The following NEGR1 variants were observed in gnomAD, a reference collection of about 807,000 sequenced individuals.
The protein encoded by NEGR1 is IgLON family member 4.
Under a neutral mutation model 40.9 loss-of-function variants are expected in NEGR1, and 10 were observed. That is an observed-to-expected ratio of 0.24 (90% CI 0.15 to 0.42). The LOEUF (loss-of-function observed/expected upper bound fraction) is 0.42, where lower values mean the gene tolerates loss of function less well. NEGR1 is among the 10% of genes least tolerant of loss of function. NEGR1 has a pLI of 1.00. For synonymous variants in NEGR1, 185 were observed against 166.8 expected (o/e 1.11, Z -0.84); for missense variants, 352 against 438.9 (o/e 0.80, Z 1.77).
At chr1:71,655,507 G>C (rs2101585951) in intron 4 of NEGR1, among the ~76,000 whole-genome samples, 1 of 152,280 alleles carries the variant, frequency 6.6e-6, no homozygotes, top group Middle Eastern at 3.4e-3. Flanking sequence ...TGCTCCTTTA[G>C]TACTGGGAAT....
chr1:71,466,281 A>G (rs1344831930), intron 6 of NEGR1, among the ~76,000 whole-genome samples: 1 of 152,082 alleles, frequency 6.6e-6, no homozygotes, highest in Non-Finnish European at 1.5e-5. Flanking sequence ...GGTATAATCA[A>G]TATCCAGGAC....
intron 1 of NEGR1, among the ~76,000 whole-genome samples, chr1:72,048,573 T>C (rs928890072): frequency 2.6e-5 from 4 of 151,508 alleles, no homozygotes; most frequent in African/African-American, 9.7e-5. Flanking sequence ...TCGGGTGGAA[T>C]AGTGAGGGTG....
intron 2 of NEGR1, among the ~76,000 whole-genome samples, chr1:71,926,855 TG>T (rs1645778678): frequency 6.6e-6 from 1 of 152,176 alleles, no homozygotes; most frequent in African/African-American, 2.4e-5. Context: ...GTGATAATTT[TG>T]CTTAGGAATA....
At chr1:71,805,663 G>C (rs1368426308) in intron 2 of NEGR1, among the ~76,000 whole-genome samples, 1 of 152,142 alleles carries the variant, frequency 6.6e-6, no homozygotes, top group Admixed American at 6.5e-5. Flanking sequence ...GCTCATTACA[G>C]TTTGCAAACA....
intron 1 of NEGR1, among the ~76,000 whole-genome samples, chr1:72,281,255 G>A (rs1220196926): frequency 7.5e-6 from 1 of 133,118 alleles, no homozygotes; most frequent in Admixed American, 6.9e-5. Context: ...AGCAGAGACA[G>A]AGTGAGAGCA....
chr1:71,702,681 C>G (rs1222599124), intron 3 of NEGR1, among the ~76,000 whole-genome samples: 1 of 149,280 alleles, frequency 6.7e-6, no homozygotes, highest in Non-Finnish European at 1.5e-5. Context: ...AATGGCCAGA[C>G]TTACCTTCTT....
At chr1:72,278,650 C>T (rs1304974469) in intron 1 of NEGR1, among the ~76,000 whole-genome samples, 1 of 151,978 alleles carries the variant, frequency 6.6e-6, no homozygotes, top group South Asian at 2.1e-4. Flanking sequence ...TGAAGCATAA[C>T]CAATGTGGTT....
At chr1:71,989,981 A>C (rs945243162) in intron 1 of NEGR1, among the ~76,000 whole-genome samples, 4 of 152,334 alleles carry the variant, frequency 2.6e-5, no homozygotes, top group South Asian at 4.1e-4. Flanking sequence ...AAAATGATAT[A>C]ATCAAACTTG....
Position 71,397,312 on chromosome 1 carries a change from A to G in NEGR1, c.*10134T>C. The G allele has an allele frequency of 6.5e-6, 1 of 154,734 alleles. No individual in the cohort carries two copies. The highest frequency in any genetic ancestry group is 1.4e-5 in the Non-Finnish European group (1 of 70,112). 9.6% of individuals were successfully genotyped at this position (154,734 alleles called of 1,614,324 possible). A position where few individuals can be genotyped will look rare whatever the true frequency, so the allele number is the denominator to read the frequency against. ...AGGTGACTTGGGTGTTGTTAAAGGCATTCAGTGTTCTGTTCTGTTTTGTTT... is the reference window on the plus strand; with the variant it reads ...AGGTGACTTGGGTGTTGTTAAAGGCGTTCAGTGTTCTGTTCTGTTTTGTTT... On this transcript the variant is annotated 3_prime_UTR_variant, in exon 7 of 7. Coordinates refer to ENST00000357731, the MANE Select transcript of NEGR1 (RefSeq NM_173808.3).
At chr1:72,243,756 A>T (rs1484457604) in intron 1 of NEGR1, among the ~76,000 whole-genome samples, 1 of 151,842 alleles carries the variant, frequency 6.6e-6, no homozygotes, top group Non-Finnish European at 1.5e-5. Flanking sequence ...AACTCTCATT[A>T]CCTGATTATA....
Position 71,674,586 on chromosome 1 carries a change from G to GCACACA in NEGR1, c.667+23416_667+23421dup, listed in dbSNP as rs3220087. Among the ~76,000 whole-genome samples, 990 of 146,896 alleles carry GCACACA rather than the reference G, an allele frequency of 6.7e-3. 13 individuals are homozygous for GCACACA. The highest frequency in any genetic ancestry group is 0.015 in the African/African-American group (581 of 39,902). Reference sequence around the variant, plus strand: ...TACTCTGCAGGCTTTTGCTGGGAGGGCACACACACACACACACACACACAC... The same window carrying GCACACA: ...TACTCTGCAGGCTTTTGCTGGGAGGGCACACACACACACACACACACACACACACAC... On this transcript the variant is annotated intron_variant, in intron 4 of 6. Transcript: ENST00000357731.
intron 4 of NEGR1, among the ~76,000 whole-genome samples, chr1:71,640,752 C>A (rs1161635969): frequency 6.6e-6 from 1 of 152,016 alleles, no homozygotes; most frequent in Non-Finnish European, 1.5e-5. Context: ...GACTAGAACA[C>A]AATGTCTAAC....
rs541899547 is a variant in NEGR1 at position 71,572,697 on chromosome 1, A to T, written c.940+20120T>A. ...GTTCAAGTTTATTTTGCAAATGCGT[A>T]AGTGTACTAACCTACTCGACGTTGG... On this transcript the variant is annotated intron_variant, in intron 6 of 6. Transcript: ENST00000357731. 2.0e-5 allele frequency among the ~76,000 whole-genome samples: 3 copies of T among 152,290 alleles called. No homozygotes were observed. The South Asian group carries it at 6.2e-4, about 32-fold the overall frequency.
chr1:71,653,249 CTTTAA>C (rs1453358396), intron 4 of NEGR1, among the ~76,000 whole-genome samples: 6 of 152,156 alleles, frequency 3.9e-5, no homozygotes, highest in African/African-American at 4.8e-5. Context: ...AATCTACAGT[CTTTAA>C]TTTAACTAAA....
At chr1:71,615,029 G>T (rs1212326938) in intron 4 of NEGR1, among the ~76,000 whole-genome samples, 2 of 152,168 alleles carry the variant, frequency 1.3e-5, no homozygotes, top group Admixed American at 1.3e-4. Context: ...GCAAGGTATA[G>T]AGTTAAAGGT....
rs144394243 is a variant in NEGR1 at position 71,748,132 on chromosome 1, T to C, written c.535+28040A>G. On this transcript the variant is annotated intron_variant, in intron 3 of 6. Coordinates refer to ENST00000357731, the MANE Select transcript of NEGR1 (RefSeq NM_173808.3). Reference sequence around the variant, plus strand: ...ATCCCAAAGACATTAAATACTCTGCTCAACAGTACAAGGTAAAATAGAAGA... The same window carrying C: ...ATCCCAAAGACATTAAATACTCTGCCCAACAGTACAAGGTAAAATAGAAGA... Among the ~76,000 whole-genome samples the C allele has an allele frequency of 1.9e-3, 287 of 152,282 alleles. 5 individuals carry two copies. Among genetic ancestry groups the C allele is most frequent in the Admixed American group, 0.015 (233 of 15,290 alleles).
intron 1 of NEGR1, among the ~76,000 whole-genome samples, chr1:71,977,539 G>T (rs1358582144): frequency 6.6e-6 from 1 of 151,912 alleles, no homozygotes; most frequent in Non-Finnish European, 1.5e-5. Context: ...CCACTTTAAA[G>T]ATTTCGTAAA....
intron 1 of NEGR1, among the ~76,000 whole-genome samples, chr1:72,155,331 C>A (rs1442953864): frequency 6.6e-6 from 1 of 151,970 alleles, no homozygotes; most frequent in African/African-American, 2.4e-5. Context: ...CATAATATGT[C>A]CAAATCACAA....
intron 1 of NEGR1, among the ~76,000 whole-genome samples, chr1:72,211,328 T>C (rs1050524517): frequency 6.6e-6 from 1 of 151,748 alleles, no homozygotes; most frequent in Non-Finnish European, 1.5e-5. Flanking sequence ...GGAGCCTTTA[T>C]AAAGCCTTTA....
Sources: allele counts gnomAD v4.1 joint callset (sites outside exome capture counted in the v4.1 genomes callset), GRCh38; gene constraint gnomAD v4.1.1; transcripts MANE v1.5; gene names NCBI Gene and HGNC (gene_info 2026-07-23, HGNC 2026-07-21).